Variants in CHMP3 observed in about 807,000 individuals in gnomAD.
CHMP3 encodes charged multivesicular body protein 3.
In CHMP3, 8 loss-of-function variants were observed where a neutral mutation model predicts 27.4. The observed-to-expected ratio is 0.29, with a 90% CI of 0.17 to 0.53. CHMP3 has a LOEUF of 0.53. Ranked by LOEUF, CHMP3 falls within the 20% of genes least tolerant of loss-of-function variation. The pLI is 0.96. For synonymous variants in CHMP3, 86 were observed against 85.5 expected, an observed-to-expected ratio of 1.01 and a Z score of -0.03; for missense variants, 208 against 271.5, an observed-to-expected ratio of 0.77 and a Z score of 1.64.
chr2:86,558,051 T>C (rs764266602), intron 1 of CHMP3, among the ~76,000 whole-genome samples: 1 of 152,194 alleles, frequency 6.6e-6, no homozygotes, highest in Non-Finnish European at 1.5e-5. Flanking sequence ...TCTAAGAACA[T>C]AAGTCATATG....
intron 2 of CHMP3, chr2:86,540,693 T>C (rs1235671714): frequency 6.6e-6 from 1 of 152,158 alleles, no homozygotes; most frequent in Non-Finnish European, 1.5e-5. Context: ...TTCAGATCTT[T>C]CAACTCTAGA....
chr2:86,531,557 A>G (rs1675921053), intron 2 of CHMP3, among the ~76,000 whole-genome samples: 1 of 152,102 alleles, frequency 6.6e-6, no homozygotes, highest in Non-Finnish European at 1.5e-5. Flanking sequence ...CAAGTTGTGA[A>G]GTTTTACTCT....
chr2:86,505,537 T>C lies in CHMP3; in HGVS notation c.*267A>G. ...CGACATTCAGGCAATCACCTATATT[T>C]TCAGAAGTGCTTCATGAGCAGATGG... On this transcript the variant is annotated 3_prime_UTR_variant, in exon 6 of 6. Transcript: ENST00000263856. 1 of 347,900 alleles carries C rather than the reference T, an allele frequency of 2.9e-6. No homozygotes were observed. The highest frequency in any genetic ancestry group is 5.1e-6 in the Non-Finnish European group (1 of 197,480). The allele number at this position is 347,900 out of a possible 1,614,324, so 21.6% of individuals were successfully genotyped here. A position where few individuals can be genotyped will look rare whatever the true frequency, so the allele number is the denominator to read the frequency against.
chr2:86,525,624 T>C (rs1675674644), intron 3 of CHMP3, among the ~76,000 whole-genome samples: 1 of 152,124 alleles, frequency 6.6e-6, no homozygotes, highest in Non-Finnish European at 1.5e-5. Flanking sequence ...TTTGCTCTTT[T>C]CACACTGGAT....
chr2:86,547,546 A>C (rs1200773301), intron 1 of CHMP3, among the ~76,000 whole-genome samples: 2 of 152,248 alleles, frequency 1.3e-5, no homozygotes, highest in African/African-American at 4.8e-5. Flanking sequence ...GGGAAACTTT[A>C]AAAATACTAA....
intron 1 of CHMP3, among the ~76,000 whole-genome samples, chr2:86,555,421 G>A (rs1445720518): frequency 6.6e-6 from 1 of 151,326 alleles, no homozygotes; most frequent in Non-Finnish European, 1.5e-5. Context: ...AGAATCAACT[G>A]AACCCAGGAG....
intron 3 of CHMP3, chr2:86,512,180 G>C (rs1349341931): frequency 6.6e-6 from 1 of 152,238 alleles, no homozygotes; most frequent in Non-Finnish European, 1.5e-5. Context: ...TAAGTATTAA[G>C]AGGTGGAGTT....
In CHMP3 at chr2:86,563,428, GC is replaced by G. The variant is rs1165830867; in HGVS notation, c.-81del. 1 of 1,572,072 alleles carries G rather than the reference GC, an allele frequency of 6.4e-7. No individual in the cohort carries two copies. On this transcript the variant is annotated 5_prime_UTR_variant, in exon 1 of 6. Transcript: ENST00000263856. ...GGTCACGGGCAGCCGCCTGGGCGGG[GC>G]CCGCGGAAAAGGAGGTAGTCCCAAC... is the stretch of plus-strand genomic sequence containing the variant.
intron 1 of CHMP3, among the ~76,000 whole-genome samples, chr2:86,551,597 C>T (rs1391843104): frequency 6.6e-6 from 1 of 152,118 alleles, no homozygotes; most frequent in Non-Finnish European, 1.5e-5. Context: ...CAGGGTTTGT[C>T]AAAAACTCTA....
intron 3 of CHMP3, 63 bp from the exon 4 acceptor site, chr2:86,510,542 T>C (rs1675066126): frequency 4.4e-6 from 7 of 1,580,144 alleles, no homozygotes; most frequent in Non-Finnish European, 6.0e-6. Flanking sequence ...GACAGCCAAA[T>C]TATGAGCCAT....
At chr2:86,526,923 C>T (rs556997615) in intron 3 of CHMP3, 81 of 151,946 alleles carry the variant, frequency 5.3e-4, no homozygotes, top group African/African-American at 1.7e-3. Flanking sequence ...AGCAAAAAGA[C>T]GCAGAATGGT....
chr2:86,525,607 G>T (rs376894248), intron 3 of CHMP3, among the ~76,000 whole-genome samples: 3 of 151,590 alleles, frequency 2.0e-5, no homozygotes, highest in African/African-American at 7.3e-5. Flanking sequence ...TACACAGTAA[G>T]TTGGGTTTTG....
At chr2:86,505,998 C>G (rs763995501) in intron 5 of CHMP3, 49 bp from the exon 6 acceptor site, 3 of 1,466,310 alleles carry the variant, frequency 2.0e-6, no homozygotes, top group Non-Finnish European at 2.7e-6. Context: ...AAGGAAGCAG[C>G]CCCTCAATCT....
intron 2 of CHMP3, among the ~76,000 whole-genome samples, chr2:86,535,593 G>A (rs955244307): frequency 5.3e-5 from 8 of 151,880 alleles, no homozygotes; most frequent in East Asian, 3.9e-4. Context: ...TGCAACCTCC[G>A]GCCCCCAGGT....
chr2:86,528,494 T>A (rs1675798006), intron 3 of CHMP3, among the ~76,000 whole-genome samples: 1 of 152,150 alleles, frequency 6.6e-6, no homozygotes, highest in African/African-American at 2.4e-5. Context: ...CATGCCACCA[T>A]GCCTGGCTCT....
chr2:86,543,704 T>A (rs1178468657), intron 1 of CHMP3, among the ~76,000 whole-genome samples: 1 of 152,232 alleles, frequency 6.6e-6, no homozygotes, highest in South Asian at 2.1e-4. Flanking sequence ...TGCAATGCTG[T>A]TGCCAAATAA....
At chr2:86,520,863 G>C (rs1675493954) in intron 3 of CHMP3, among the ~76,000 whole-genome samples, 1 of 152,148 alleles carries the variant, frequency 6.6e-6, no homozygotes, top group Non-Finnish European at 1.5e-5. Flanking sequence ...CTGAGCCCAA[G>C]CCAAGCCATC....
chr2:86,558,870 G>GA (rs550691701), intron 1 of CHMP3, among the ~76,000 whole-genome samples: 27,769 of 108,162 alleles, frequency 0.26, 3,228 homozygotes, highest in African/African-American at 0.39. Flanking sequence ...TCCCTTAAAA[G>GA]AAAAAAAAAA....
chr2:86,515,999 C>T (rs920236895), intron 3 of CHMP3, among the ~76,000 whole-genome samples: 1 of 151,728 alleles, frequency 6.6e-6, no homozygotes, highest in Non-Finnish European at 1.5e-5. Context: ...AATACAAAAA[C>T]CAGCTGGGTG....
Sources: allele counts gnomAD v4.1 joint callset (sites outside exome capture counted in the v4.1 genomes callset), GRCh38; gene constraint gnomAD v4.1.1; transcripts MANE v1.5; gene names NCBI Gene and HGNC (gene_info 2026-07-23, HGNC 2026-07-21).